Variants in TRMT11 observed in about 807,000 individuals in gnomAD.
TRMT11 encodes the protein tRNA methyltransferase 11, also known as tRNA (guanine(10)-N(2))-methyltransferase TRMT11.
TRMT11 carries 53 observed loss-of-function variants against 62.8 expected under a neutral mutation model. The ratio of observed to expected loss-of-function variants is 0.84; its 90% CI spans 0.68 to 1.06. TRMT11 has a LOEUF of 1.06. TRMT11 is among the 50% of genes least tolerant of loss of function. TRMT11 has a pLI of 0.00. For synonymous variants in TRMT11, 188 were observed against 190.3 expected, an observed-to-expected ratio of 0.99 and a Z score of 0.10; for missense variants, 556 against 553.4, an observed-to-expected ratio of 1.00 and a Z score of -0.05.
chr6:126,091,284 G>A (rs1306725014), intron 17 of TRMT11, among the ~76,000 whole-genome samples: 2 of 152,092 alleles, frequency 1.3e-5, no homozygotes, highest in Non-Finnish European at 2.9e-5. Flanking sequence ...CATAAGTAGT[G>A]AAGTGTAACC....
At chr6:126,029,307 A>G (rs1447076353) in intron 12 of TRMT11, among the ~76,000 whole-genome samples, 1 of 152,196 alleles carries the variant, frequency 6.6e-6, no homozygotes, top group Non-Finnish European at 1.5e-5. Context: ...GTGAACATCC[A>G]TGTACCTGCC....
intron 21 of TRMT11, among the ~76,000 whole-genome samples, chr6:126,138,960 T>C (rs181804631): frequency 3.9e-5 from 6 of 152,162 alleles, no homozygotes; most frequent in Admixed American, 3.9e-4. Flanking sequence ...ATTTTATTTA[T>C]TGAAATTTAA....
chr6:126,167,813 G>A (rs944625094), intron 21 of TRMT11, among the ~76,000 whole-genome samples: 3 of 152,102 alleles, frequency 2.0e-5, no homozygotes, highest in Non-Finnish European at 2.9e-5. Flanking sequence ...TTTCCACCTC[G>A]GACATATGTT....
rs530300090 is a variant in TRMT11 at position 126,114,022 on chromosome 6, A to G, written c.*1527-683A>G. Among the ~76,000 whole-genome samples the G allele has an allele frequency of 4.6e-5, 7 of 152,218 alleles. No homozygotes were observed. In the East Asian group the frequency reaches 9.7e-4, roughly 21 times the overall value. On this transcript the variant is annotated intron_variant and NMD_transcript_variant, in intron 18 of 22. Transcript: ENST00000648977. ...CCCAATAGTGGGTCATGAAATCAATATAGTGAGTTGTAACTAGCACATTCA... is the reference window on the plus strand; with the variant it reads ...CCCAATAGTGGGTCATGAAATCAATGTAGTGAGTTGTAACTAGCACATTCA...
At chr6:126,191,292 GT>G (rs1035385424) in intron 1 of TRMT11, among the ~76,000 whole-genome samples, 4 of 151,470 alleles carry the variant, frequency 2.6e-5, no homozygotes, top group South Asian at 4.2e-4. Context: ...CAGATTACTA[GT>G]TTTTTTTCTT....
chr6:126,195,675 G>A (rs2047298059), intron 1 of TRMT11, among the ~76,000 whole-genome samples: 1 of 152,136 alleles, frequency 6.6e-6, no homozygotes, highest in Admixed American at 6.6e-5. Flanking sequence ...TACTTTGGAG[G>A]GAGAGGCTGA....
At chr6:126,094,459 G>A (rs1331029575) in intron 17 of TRMT11, among the ~76,000 whole-genome samples, 1 of 152,104 alleles carries the variant, frequency 6.6e-6, no homozygotes, top group Non-Finnish European at 1.5e-5. Context: ...TTAAATATTT[G>A]CGGCCCTGGT....
the TRMT11 span, among the ~76,000 whole-genome samples, chr6:126,211,483 C>T: frequency 6.6e-6 from 1 of 152,118 alleles, no homozygotes; most frequent in Non-Finnish European, 1.5e-5. Flanking sequence ...TCAATAGCCT[C>T]TTGGCTGGTT....
intron 21 of TRMT11, among the ~76,000 whole-genome samples, chr6:126,157,014 G>A (rs1306412515): frequency 2.0e-5 from 3 of 152,200 alleles, no homozygotes; most frequent in African/African-American, 4.8e-5. Context: ...CAAATGCAGA[G>A]TTTCTCTGAA....
intron 11 of TRMT11, 98 bp downstream of exon 11, chr6:126,013,199 T>G (rs1249025441): frequency 7.3e-6 from 8 of 1,095,174 alleles, no homozygotes; most frequent in Non-Finnish European, 1.0e-5. Context: ...TTGGTGCATC[T>G]TTATATTTAA....
chr6:126,140,424 G>A (rs550051789), intron 21 of TRMT11, among the ~76,000 whole-genome samples: 2 of 152,052 alleles, frequency 1.3e-5, no homozygotes, highest in Non-Finnish European at 2.9e-5. Flanking sequence ...TCTTTACTTT[G>A]AAAAGTTTAT....
At chr6:126,242,720 T>A in the TRMT11 span, among the ~76,000 whole-genome samples, 23 of 152,344 alleles carry the variant, frequency 1.5e-4, no homozygotes, top group African/African-American at 4.6e-4. Context: ...CTGGGAAAAC[T>A]GGTTAGCCAT....
intron 17 of TRMT11, among the ~76,000 whole-genome samples, chr6:126,091,605 C>T (rs918312297): frequency 6.6e-6 from 1 of 152,122 alleles, no homozygotes; most frequent in South Asian, 2.1e-4. Flanking sequence ...CAAAGTTTCT[C>T]TTTTAACAGT....
Position 125,998,695 on chromosome 6 carries a change from T to C in TRMT11, c.522+11T>C, listed in dbSNP as rs1051862121. The C allele has an allele frequency of 6.2e-7, 1 of 1,608,788 alleles. No individual in the cohort carries two copies. The highest frequency in any genetic ancestry group is 8.5e-7 in the Non-Finnish European group (1 of 1,178,520). On this transcript the variant is annotated intron_variant, in intron 6 of 12. Coordinates refer to ENST00000334379, the MANE Select transcript of TRMT11 (RefSeq NM_001031712.3). ...TATTTTGGTAGATGGGTGAGCAAGT[T>C]TTCTTTCTACCTATGTCAGTTTGTT...
At chr6:126,212,245 T>C in the TRMT11 span, among the ~76,000 whole-genome samples, 1 of 152,218 alleles carries the variant, frequency 6.6e-6, no homozygotes. Context: ...AGTGCAGATA[T>C]CTCTTTGATA....
At chr6:126,012,743 A>C (rs563653212) in intron 9 of TRMT11, 28 bp from the exon 10 acceptor site, 1 of 1,584,212 alleles carries the variant, frequency 6.3e-7, no homozygotes, top group Non-Finnish European at 8.6e-7. Context: ...ACTTTTGACT[A>C]TCTGTGTTAC....
upstream of TRMT11, among the ~76,000 whole-genome samples, chr6:126,173,860 G>A (rs145387416): frequency 2.7e-3 from 415 of 152,306 alleles, 1 homozygote; most frequent in African/African-American, 9.3e-3. Flanking sequence ...TGATTAGTGT[G>A]TCATGTCACT....
At chr6:126,076,396 A>G (rs1777025358) in intron 17 of TRMT11, among the ~76,000 whole-genome samples, 1 of 152,184 alleles carries the variant, frequency 6.6e-6, no homozygotes, top group Non-Finnish European at 1.5e-5. Flanking sequence ...ATGAAGCCAA[A>G]TCAAGAGACC....
downstream of TRMT11, among the ~76,000 whole-genome samples, chr6:126,205,853 AAC>A (rs980971280): frequency 6.6e-6 from 1 of 150,836 alleles, no homozygotes; most frequent in Non-Finnish European, 1.5e-5. Context: ...ACCTCAGACA[AAC>A]ACACAGACAA....
Sources: gnomAD v4.1 joint callset for allele counts (sites outside exome capture counted in the v4.1 genomes callset) on GRCh38, gnomAD v4.1.1 for gene constraint, MANE v1.5 for transcripts, NCBI Gene and HGNC (gene_info 2026-07-23, HGNC 2026-07-21) for gene names.